PPP3CA: variants seen among roughly 807,000 people sequenced by gnomAD.
PPP3CA encodes protein phosphatase 3 catalytic subunit alpha.
PPP3CA carries 14 observed loss-of-function variants against 66.5 expected under a neutral mutation model. The observed-to-expected ratio is 0.21, with a 90% CI of 0.14 to 0.33. The LOEUF (loss-of-function observed/expected upper bound fraction) is 0.33. PPP3CA is among the 10% of genes least tolerant of loss of function. The pLI, the probability that PPP3CA is intolerant of heterozygous loss-of-function variation, is 1.00. For synonymous variants in PPP3CA, 232 were observed against 226.2 expected, an observed-to-expected ratio of 1.03 and a Z score of -0.23; for missense variants, 317 against 639.5, an observed-to-expected ratio of 0.50 and a Z score of 5.44.
intron 1 of PPP3CA, among the ~76,000 whole-genome samples, chr4:101,203,474 G>A (rs901022628): frequency 3.9e-5 from 6 of 151,996 alleles, no homozygotes; most frequent in African/African-American, 1.5e-4. Context: ...CAGCCTGGGC[G>A]ACAGAGCAAG....
intron 1 of PPP3CA, among the ~76,000 whole-genome samples, chr4:101,305,771 G>GGA (rs981949478): frequency 9.2e-5 from 14 of 152,302 alleles, no homozygotes; most frequent in African/African-American, 2.6e-4. Context: ...AGCAGGTTAT[G>GGA]GAGGGGGGTG....
intron 10 of PPP3CA, among the ~76,000 whole-genome samples, chr4:101,048,631 T>C (rs1727876789): frequency 6.6e-6 from 1 of 152,062 alleles, no homozygotes; most frequent in Admixed American, 6.6e-5. Flanking sequence ...TTCATCTTTT[T>C]GAAGATTACA....
chr4:101,292,437 C>T (rs746383761), intron 1 of PPP3CA, among the ~76,000 whole-genome samples: 21 of 152,148 alleles, frequency 1.4e-4, no homozygotes, highest in African/African-American at 3.9e-4. Context: ...GCAGTACATG[C>T]GCCTCTCCCA....
chr4:101,195,475 A>G (rs1178377088), intron 2 of PPP3CA, among the ~76,000 whole-genome samples: 1 of 152,104 alleles, frequency 6.6e-6, no homozygotes, highest in Non-Finnish European at 1.5e-5. Context: ...TGCATATTTT[A>G]ACAAGTTTCA....
chr4:101,092,159 T>G (rs1221160155), intron 6 of PPP3CA, among the ~76,000 whole-genome samples: 1 of 151,974 alleles, frequency 6.6e-6, no homozygotes, highest in Admixed American at 6.6e-5. Flanking sequence ...CTCTAGCGAT[T>G]TGTAAAATGT....
chr4:101,086,489 C>G (rs1729679927), intron 6 of PPP3CA, among the ~76,000 whole-genome samples: 1 of 152,114 alleles, frequency 6.6e-6, no homozygotes, highest in Admixed American at 6.5e-5. Context: ...TGAGTTTAAT[C>G]TCCCAGATGT....
intron 2 of PPP3CA, among the ~76,000 whole-genome samples, chr4:101,172,949 T>C (rs1417175625): frequency 6.6e-6 from 1 of 152,202 alleles, no homozygotes; most frequent in Non-Finnish European, 1.5e-5. Flanking sequence ...CACATTAGAT[T>C]TGTTTGCACT....
At chr4:101,206,090 A>C (rs1725122038) in intron 1 of PPP3CA, among the ~76,000 whole-genome samples, 1 of 152,196 alleles carries the variant, frequency 6.6e-6, no homozygotes, top group Non-Finnish European at 1.5e-5. Context: ...AGTAATGCTT[A>C]CACTGTTTGC....
chr4:101,119,886 T>G (rs1721970880), intron 2 of PPP3CA, among the ~76,000 whole-genome samples: 1 of 152,076 alleles, frequency 6.6e-6, no homozygotes, highest in Non-Finnish European at 1.5e-5. Flanking sequence ...AGCAAAGGAA[T>G]GATTAGACTG....
At chr4:101,219,340 A>C (rs1337063193) in intron 1 of PPP3CA, among the ~76,000 whole-genome samples, 2 of 152,024 alleles carry the variant, frequency 1.3e-5, no homozygotes, top group Admixed American at 1.3e-4. Context: ...AGATACACAG[A>C]AGTACAATTA....
At chr4:101,293,365 GAC>G (rs1412985003) in intron 1 of PPP3CA, among the ~76,000 whole-genome samples, 7 of 152,150 alleles carry the variant, frequency 4.6e-5, no homozygotes, top group African/African-American at 1.7e-4. Flanking sequence ...CAGGGAATAA[GAC>G]ACGCTCAGGA....
chr4:101,061,364 T>C (rs1728454577), intron 9 of PPP3CA, among the ~76,000 whole-genome samples: 1 of 152,146 alleles, frequency 6.6e-6, no homozygotes, highest in Admixed American at 6.6e-5. Flanking sequence ...CTGATGCTTA[T>C]GATATCTAAT....
chr4:101,087,903 T>C (rs1290172600), intron 6 of PPP3CA, among the ~76,000 whole-genome samples: 1 of 152,110 alleles, frequency 6.6e-6, no homozygotes, highest in Non-Finnish European at 1.5e-5. Flanking sequence ...TAAGATCAGG[T>C]GACCTTCTCT....
chr4:101,083,487 T>C (rs1043667367), intron 6 of PPP3CA, among the ~76,000 whole-genome samples: 4 of 151,516 alleles, frequency 2.6e-5, no homozygotes, highest in African/African-American at 7.3e-5. Context: ...GTGCATGAAC[T>C]GGGGGAAAAA....
chr4:101,308,777 CA>C (rs1038303568), intron 1 of PPP3CA, among the ~76,000 whole-genome samples: 1 of 152,086 alleles, frequency 6.6e-6, no homozygotes, highest in African/African-American at 2.4e-5. Flanking sequence ...TTTGTAGTCA[CA>C]AAAAATTTCA....
intron 1 of PPP3CA, among the ~76,000 whole-genome samples, chr4:101,290,197 A>G (rs193081348): frequency 7.2e-5 from 11 of 152,336 alleles, no homozygotes; most frequent in Admixed American, 7.2e-4. Flanking sequence ...TCTAAAGGAT[A>G]TAACTGTTTC....
At chr4:101,129,224 T>C (rs1459724035) in intron 2 of PPP3CA, among the ~76,000 whole-genome samples, 1 of 152,170 alleles carries the variant, frequency 6.6e-6, no homozygotes, top group African/African-American at 2.4e-5. Flanking sequence ...AGGGCATCTC[T>C]GAAAGAATGG....
intron 8 of PPP3CA, among the ~76,000 whole-genome samples, chr4:101,066,893 A>G (rs943350481): frequency 6.6e-6 from 1 of 152,138 alleles, no homozygotes; most frequent in Non-Finnish European, 1.5e-5. Context: ...TAATACAAAT[A>G]GTTGTACTTC....
chr4:101,271,569 T>A (rs937954616), intron 1 of PPP3CA, among the ~76,000 whole-genome samples: 23 of 152,130 alleles, frequency 1.5e-4, no homozygotes, highest in African/African-American at 4.8e-4. Context: ...AAGGAGAAAA[T>A]CTTTTAACCC....
Sources: gnomAD v4.1 joint callset for allele counts (sites outside exome capture counted in the v4.1 genomes callset) on GRCh38, gnomAD v4.1.1 for gene constraint, MANE v1.5 for transcripts, NCBI Gene and HGNC (gene_info 2026-07-23, HGNC 2026-07-21) for gene names.